The following PIKFYVE variants were observed in gnomAD, a reference collection of about 807,000 sequenced individuals.
The protein encoded by PIKFYVE is phosphoinositide kinase, FYVE-type zinc finger containing.
Under a neutral mutation model 257.9 loss-of-function variants are expected in PIKFYVE, and 122 were observed. That is an observed-to-expected ratio of 0.47 (90% confidence interval 0.41 to 0.55). PIKFYVE has a LOEUF of 0.55. Among genes scored for constraint, PIKFYVE ranks in the 20% least tolerant of loss-of-function variants. The probability of loss-of-function intolerance (pLI) is 0.00; values close to 1 mark genes in which losing one functional copy is unlikely to be tolerated. For missense variants in PIKFYVE, 2,160 were observed against 2,536.6 expected (o/e 0.85, Z 3.19); for synonymous variants, 892 against 868.9 (o/e 1.03, Z -0.47).
chr2:208,302,457 A>T, intron 10 of PIKFYVE, 104 bp downstream of exon 10: 1 of 1,151,926 alleles, frequency 8.7e-7, no homozygotes, highest in Middle Eastern at 1.9e-4. Context: ...TGATTTTTCT[A>T]ACATTTTTTC....
chr2:208,292,496 A>G (rs1692445408), intron 7 of PIKFYVE, among the ~76,000 whole-genome samples: 1 of 152,108 alleles, frequency 6.6e-6, no homozygotes, highest in Non-Finnish European at 1.5e-5. Context: ...GAGCATACAT[A>G]TTAAGGATTG....
intron 34 of PIKFYVE, among the ~76,000 whole-genome samples, chr2:208,346,790 C>T (rs1699271657): frequency 6.6e-6 from 1 of 152,222 alleles, no homozygotes; most frequent in African/African-American, 2.4e-5. Context: ...TGTTTAGCTG[C>T]TCAGCATTGT....
chr2:208,352,917 C>A, intron 39 of PIKFYVE, 135 bp downstream of exon 39: 1 of 1,131,670 alleles, frequency 8.8e-7, no homozygotes, highest in Non-Finnish European at 1.3e-6. Context: ...CCATATTTAA[C>A]TTTTGACTTG....
intron 15 of PIKFYVE, among the ~76,000 whole-genome samples, chr2:208,317,548 A>G (rs1469429717): frequency 6.6e-6 from 1 of 152,152 alleles, no homozygotes; most frequent in Non-Finnish European, 1.5e-5. Flanking sequence ...TTAGATAGTA[A>G]TGGAGTCCTG....
chr2:208,344,923 T>G (rs1427956637), intron 32 of PIKFYVE, among the ~76,000 whole-genome samples, 188 bp from the exon 33 acceptor site: 2 of 152,158 alleles, frequency 1.3e-5, no homozygotes, highest in African/African-American at 4.8e-5. Flanking sequence ...TGTATTACCT[T>G]CTATGAAGAC....
intron 34 of PIKFYVE, 132 bp from the exon 35 acceptor site, chr2:208,347,727 A>G (rs1226302119): frequency 2.5e-6 from 2 of 804,272 alleles, no homozygotes; most frequent in Admixed American, 2.5e-5. Context: ...TGTGCAAACA[A>G]AAGTATTTGC....
chr2:208,312,140 T>G, intron 12 of PIKFYVE, 96 bp from the exon 13 acceptor site: 1 of 922,244 alleles, frequency 1.1e-6, no homozygotes, highest in African/African-American at 1.6e-5. Flanking sequence ...AGTAATATTT[T>G]GTGTGTGGGC....
intron 24 of PIKFYVE, chr2:208,334,477 C>G (rs1373698580): frequency 2.6e-5 from 4 of 153,154 alleles, no homozygotes; most frequent in Non-Finnish European, 5.8e-5. Flanking sequence ...CCCCACTGGC[C>G]TCCTGACTGG....
intron 7 of PIKFYVE, among the ~76,000 whole-genome samples, chr2:208,295,210 C>T (rs1692817593): frequency 6.6e-6 from 1 of 152,154 alleles, no homozygotes; most frequent in Non-Finnish European, 1.5e-5. Context: ...TCTCTTTGTT[C>T]AGGTTTTAGT....
In PIKFYVE at chr2:208,326,015, A is replaced by T. The variant is rs951490126; in HGVS notation, c.3204A>T (p.Leu1068Phe). ...PVITFREPFL[L>F]TEKGMRCSTR... Reference sequence around the variant, plus strand: ...TCACATTCCGAGAACCCTTTCTTTTAACTGAAAAGGGGATGAGATGCTCTA... The same window carrying T: ...TCACATTCCGAGAACCCTTTCTTTTTACTGAAAAGGGGATGAGATGCTCTA... The change falls in exon 20 of 42, where the codon TTA becomes TTT. Residue 1068 changes from leucine (L) to phenylalanine (F), a missense_variant. Transcript: ENST00000264380. The T allele has an allele frequency of 6.2e-7, 1 of 1,614,138 alleles. No individual in the cohort carries two copies. Among genetic ancestry groups the T allele is most frequent in the Non-Finnish European group, 8.5e-7 (1 of 1,180,010 alleles).
chr2:208,351,674 A>G (rs1699786697), intron 38 of PIKFYVE, among the ~76,000 whole-genome samples: 1 of 152,116 alleles, frequency 6.6e-6, no homozygotes, highest in Admixed American at 6.6e-5. Flanking sequence ...GGAAGCTTAC[A>G]GTCATGGTGG....
intron 5 of PIKFYVE, among the ~76,000 whole-genome samples, chr2:208,285,187 C>T (rs1225686430): frequency 6.6e-6 from 1 of 152,186 alleles, no homozygotes; most frequent in East Asian, 1.9e-4. Context: ...CCTCCGCCTC[C>T]CGGGTTCAAG....
chr2:208,321,015 T>C (rs1249196388), intron 17 of PIKFYVE, among the ~76,000 whole-genome samples: 1 of 152,216 alleles, frequency 6.6e-6, no homozygotes, highest in African/African-American at 2.4e-5. Context: ...GCAATAGTTT[T>C]TGTGCATTTA....
chr2:208,284,352 C>T (rs962450263), intron 5 of PIKFYVE, among the ~76,000 whole-genome samples: 1 of 151,708 alleles, frequency 6.6e-6, no homozygotes, highest in Admixed American at 6.6e-5. Flanking sequence ...CCTCTGCCTC[C>T]CAGGTTCAAG....
In PIKFYVE at chr2:208,339,450, A is replaced by G. The variant is rs1698493369; in HGVS notation, c.4705A>G (p.Ser1569Gly). Residue 1569 changes from serine to glycine, a missense_variant, in exon 30 of 42, where the codon AGC becomes GGC. Transcript: ENST00000264380. Reference sequence around the variant, plus strand: ...CTTCTTAACAACTTTGTCCAGCCAGAGCTCCACCAGTTCTACTCATCTCCA... The same window carrying G: ...CTTCTTAACAACTTTGTCCAGCCAGGGCTCCACCAGTTCTACTCATCTCCA... The part of the protein sequence containing the change: ...DRFLTTLSSQ[S>G]STSSTHLQLP... 1.2e-6 allele frequency: 2 copies of G among 1,614,130 alleles called. No homozygotes were observed. The highest frequency in any genetic ancestry group is 1.3e-5 in the African/African-American group (1 of 75,028).
At chr2:208,295,498 C>A (rs895072610) in intron 7 of PIKFYVE, among the ~76,000 whole-genome samples, 3 of 152,124 alleles carry the variant, frequency 2.0e-5, no homozygotes, top group African/African-American at 7.2e-5. Context: ...TCTTGGTTTT[C>A]TTTACTCTGT....
At position 208,329,830 on chromosome 2, in the gene PIKFYVE, T is replaced by C. The variant is rs763223774; in HGVS notation, c.3720-12T>C. On this transcript the variant is annotated splice_polypyrimidine_tract_variant and intron_variant, in intron 21 of 41. Transcript: ENST00000264380. ...TAATTCTTATGTTTCTAAGAGGTGG[T>C]CTCTTCTTTAGGATTGTAACAATGG... 18 of 1,610,302 alleles carry C rather than the reference T, an allele frequency of 1.1e-5. No individual in the cohort carries two copies. Among genetic ancestry groups the C allele is most frequent in the Middle Eastern group, 1.7e-4 (1 of 6,052 alleles).
chr2:208,302,571 A>G (rs1435043671), intron 10 of PIKFYVE: 4 of 525,124 alleles, frequency 7.6e-6, no homozygotes, highest in Non-Finnish European at 1.4e-5. Context: ...AAATTTGATC[A>G]GACAATAAAA....
intron 10 of PIKFYVE, among the ~76,000 whole-genome samples, chr2:208,303,680 A>C (rs1018670811): frequency 4.6e-5 from 7 of 152,164 alleles, no homozygotes; most frequent in Non-Finnish European, 8.8e-5. Context: ...ATATAAGTAG[A>C]CCAATGCAGT....
Sources: allele counts gnomAD v4.1 joint callset (sites outside exome capture counted in the v4.1 genomes callset), GRCh38; gene constraint gnomAD v4.1.1; transcripts MANE v1.5; gene names NCBI Gene and HGNC (gene_info 2026-07-23, HGNC 2026-07-21).